The following DENND2B variants were observed in gnomAD, a reference collection of about 807,000 sequenced individuals.
DENND2B encodes the protein DENN domain containing 2B.
A neutral mutation model predicts 116.0 loss-of-function variants in DENND2B; 32 were observed. The observed-to-expected ratio is 0.28, with a 90% CI of 0.21 to 0.37. The LOEUF is 0.37. Among genes scored for constraint, DENND2B ranks in the 10% least tolerant of loss-of-function variants. The pLI, the probability that DENND2B is intolerant of heterozygous loss-of-function variation, is 1.00. For synonymous variants in DENND2B, 588 were observed against 583.9 expected, an observed-to-expected ratio of 1.01 and a Z score of -0.10; for missense variants, 1,276 against 1,477.7, an observed-to-expected ratio of 0.86 and a Z score of 2.24.
chr11:8,818,226 G>A (rs544085901), intron 4 of DENND2B, among the ~76,000 whole-genome samples: 13 of 147,862 alleles, frequency 8.8e-5, no homozygotes, highest in South Asian at 2.1e-4. Context: ...TCACACCACC[G>A]TACTCCAGCC....
At chr11:8,902,757 A>G (rs2064185556) in intron 1 of DENND2B, among the ~76,000 whole-genome samples, 1 of 152,120 alleles carries the variant, frequency 6.6e-6, no homozygotes, top group African/African-American at 2.4e-5. Context: ...CTTTTTCTTT[A>G]ACTTTCAACT....
intron 9 of DENND2B, chr11:8,711,941 G>A (rs2043797746): frequency 4.4e-6 from 2 of 455,966 alleles, no homozygotes; most frequent in Non-Finnish European, 8.8e-6. Flanking sequence ...CCATGCAGGT[G>A]TCTGGACAGA....
upstream of DENND2B, among the ~76,000 whole-genome samples, chr11:8,875,798 G>A (rs1436542616): frequency 6.6e-6 from 1 of 152,026 alleles, no homozygotes; most frequent in Non-Finnish European, 1.5e-5. Context: ...TTCAGAAACA[G>A]TTTAAAAATA....
intron 1 of DENND2B, among the ~76,000 whole-genome samples, chr11:8,893,235 A>C (rs1301794124): frequency 6.6e-6 from 1 of 152,230 alleles, no homozygotes; most frequent in African/African-American, 2.4e-5. Context: ...TTAGGTATTG[A>C]TGGGACGTAT....
chr11:8,792,410 G>T lies in DENND2B; in HGVS notation c.-26+18107C>A, dbSNP rs543993543. 4.6e-5 allele frequency among the ~76,000 whole-genome samples: 7 copies of T among 152,166 alleles called. No individual in the cohort carries two copies. The East Asian group carries it at 1.2e-3, about 25-fold the overall frequency. Reference sequence around the variant, plus strand: ...CCACAGCCGAGAAGCGAGATGAGGGGAAGCACCTTGAAGGAAAATATTTGC... The same window carrying T: ...CCACAGCCGAGAAGCGAGATGAGGGTAAGCACCTTGAAGGAAAATATTTGC... On this transcript the variant is annotated intron_variant, in intron 1 of 19. Coordinates refer to ENST00000313726, the MANE Select transcript of DENND2B (RefSeq NM_213618.2).
chr11:8,846,587 C>G (rs1314824730), intron 3 of DENND2B, among the ~76,000 whole-genome samples: 1 of 152,180 alleles, frequency 6.6e-6, no homozygotes, highest in Non-Finnish European at 1.5e-5. Flanking sequence ...TTTCATAAAA[C>G]AGCTTCCCTC....
chr11:8,842,445 C>T (rs2062657880), intron 3 of DENND2B, among the ~76,000 whole-genome samples: 1 of 152,134 alleles, frequency 6.6e-6, no homozygotes, highest in African/African-American at 2.4e-5. Flanking sequence ...TATTAGGTGG[C>T]TCAGGGTTCT....
chr11:8,694,532 T>G (rs79855289), intron 19 of DENND2B: 8 of 460,688 alleles, frequency 1.7e-5, no homozygotes, highest in Non-Finnish European at 3.5e-5. Context: ...CAGGAAGGAG[T>G]GCAAACAGAA....
chr11:8,892,830 T>C (rs1370661295), intron 1 of DENND2B, among the ~76,000 whole-genome samples: 1 of 152,210 alleles, frequency 6.6e-6, no homozygotes, highest in East Asian at 1.9e-4. Context: ...AAGGAGGAGC[T>C]GGTACCATTC....
At chr11:8,784,265 A>C (rs983263272) in intron 1 of DENND2B, 7 of 151,814 alleles carry the variant, frequency 4.6e-5, no homozygotes, top group African/African-American at 1.5e-4. Context: ...AAAAAAAAAA[A>C]AAAACATTAG....
At chr11:8,870,320 T>C (rs2134706748) in intron 2 of DENND2B, among the ~76,000 whole-genome samples, 1 of 152,352 alleles carries the variant, frequency 6.6e-6, no homozygotes, top group Admixed American at 6.5e-5. Flanking sequence ...ACTCAGTTAC[T>C]AAATTATTGG....
At chr11:8,817,822 A>C (rs1195115734) in intron 4 of DENND2B, among the ~76,000 whole-genome samples, 5 of 152,046 alleles carry the variant, frequency 3.3e-5, no homozygotes, top group Non-Finnish European at 7.4e-5. Flanking sequence ...GAAATCTCTC[A>C]AATCCACAGG....
chr11:8,901,150 T>C (rs892705282), intron 1 of DENND2B, among the ~76,000 whole-genome samples: 6 of 152,076 alleles, frequency 3.9e-5, no homozygotes, highest in Non-Finnish European at 2.9e-5. Context: ...ATCATCATTA[T>C]ACCCTTCCTC....
intron 4 of DENND2B, among the ~76,000 whole-genome samples, chr11:8,719,914 G>A (rs2045857042): frequency 1.3e-5 from 2 of 152,114 alleles, no homozygotes; most frequent in African/African-American, 4.8e-5. Context: ...CAATCCCAGG[G>A]GTTTCTCCAA....
chr11:8,852,267 A>G (rs140846709), intron 3 of DENND2B, among the ~76,000 whole-genome samples: 1 of 152,346 alleles, frequency 6.6e-6, no homozygotes, highest in East Asian at 1.9e-4. Flanking sequence ...TGAATGTCAC[A>G]TTAAAGGGTG....
At chr11:8,713,096 T>A (rs1219446780) in intron 8 of DENND2B, among the ~76,000 whole-genome samples, 1 of 80,972 alleles carries the variant, frequency 1.2e-5, no homozygotes, top group Non-Finnish European at 2.6e-5. Context: ...CTTGGGCCCC[T>A]AGCAGGACAT....
In DENND2B at chr11:8,730,278, C is replaced by T; in HGVS notation, c.1012G>A (p.Ala338Thr). 1 of 1,609,664 alleles carries T rather than the reference C, an allele frequency of 6.2e-7. No homozygotes were observed. Residue 338 changes from alanine to threonine, a missense_variant, in exon 3 of 20, where the codon GCA (alanine) becomes ACA (threonine). Coordinates refer to ENST00000313726, the MANE Select transcript of DENND2B (RefSeq NM_213618.2). This position sits in a 1 kb window ranked among gnomAD's most constrained non-coding sequence, Gnocchi z 4.1. ...CCCGCAACACCAGCCACTCCGACTG[C>T]CCGGCTGCCAGCGCTCACACTCGCG... is the stretch of plus-strand genomic sequence containing the variant. The part of the protein sequence containing the change: ...GGASVSAGSR[A>T]VGVAGVAGEA...
At chr11:8,800,527 T>A (rs568056079) in intron 1 of DENND2B, among the ~76,000 whole-genome samples, 2 of 152,318 alleles carry the variant, frequency 1.3e-5, no homozygotes, top group Non-Finnish European at 2.9e-5. Context: ...ATCTAGAGTT[T>A]GGTCTTCTAA....
chr11:8,812,852 T>TG (rs2061439608), upstream of DENND2B, among the ~76,000 whole-genome samples: 2 of 152,218 alleles, frequency 1.3e-5, no homozygotes, highest in Non-Finnish European at 2.9e-5. Flanking sequence ...CTGGGACAGT[T>TG]AATACCCTCC....
Sources: gnomAD v4.1 joint callset for allele counts (sites outside exome capture counted in the v4.1 genomes callset) on GRCh38, gnomAD v4.1.1 for gene constraint, Gnocchi (gnomAD v3.1) non-coding constraint, MANE v1.5 for transcripts, NCBI Gene and HGNC (gene_info 2026-07-23, HGNC 2026-07-21) for gene names.